FMNL3: variants seen among roughly 807,000 people sequenced by gnomAD.
FMNL3 encodes formin like 3, also known as formin-like protein 3.
FMNL3 carries 57 observed loss-of-function variants against 119.6 expected under a neutral mutation model. The ratio of observed to expected loss-of-function variants is 0.48; its 90% confidence interval spans 0.39 to 0.59. The LOEUF (loss-of-function observed/expected upper bound fraction) is 0.59, where lower values mean the gene tolerates loss of function less well. FMNL3 is among the 20% of genes least tolerant of loss of function. The pLI is 0.00. For missense variants in FMNL3, 1,053 were observed against 1,323.5 expected, an observed-to-expected ratio of 0.80 and a Z score of 3.17; for synonymous variants, 491 against 507.3, an observed-to-expected ratio of 0.97 and a Z score of 0.43.
chr12:49,645,817 A>G lies in FMNL3; in HGVS notation c.3082T>C (p.Ter1028ArgextTer55). 1 of 1,599,860 alleles carries G rather than the reference A, an allele frequency of 6.3e-7. No homozygotes were observed. Among genetic ancestry groups the G allele is most frequent in the Non-Finnish European group, 8.5e-7 (1 of 1,175,506 alleles). ...SGPPRAPGPH[*>R] ...GTGCTTCTGCCTCCGAGAGGGTCTC[A>G]GTGGGGGCCTGGAGCCCGAGGGGGA... Residue 1028 changes from the stop codon to arginine, a stop_lost, in exon 26 of 26, where the codon TGA becomes CGA. Coordinates refer to ENST00000335154, the MANE Select transcript of FMNL3 (RefSeq NM_175736.5).
Position 49,644,059 on chromosome 12 carries a change from T to C in FMNL3, c.*1756A>G. ...CACGCTGGTCAAGCTTCCACGGCCC[T>C]TAGTGCAGGCTAAGGGTGAACTGTG... is the stretch of plus-strand genomic sequence containing the variant. On this transcript the variant is annotated 3_prime_UTR_variant, in exon 26 of 26. Coordinates refer to ENST00000335154, the MANE Select transcript of FMNL3 (RefSeq NM_175736.5). 1 of 1,614,144 alleles carries C rather than the reference T, an allele frequency of 6.2e-7. No individual in the cohort carries two copies. The highest frequency in any genetic ancestry group is 8.5e-7 in the Non-Finnish European group (1 of 1,180,010).
intron 1 of FMNL3, among the ~76,000 whole-genome samples, chr12:49,694,505 A>G (rs1169899569): frequency 2.0e-5 from 3 of 152,232 alleles, no homozygotes; most frequent in African/African-American, 7.2e-5. Flanking sequence ...CACATTTTAA[A>G]TGGATAAACC....
At chr12:49,701,077 T>G (rs1184262076) in intron 1 of FMNL3, among the ~76,000 whole-genome samples, 1 of 87,842 alleles carries the variant, frequency 1.1e-5, no homozygotes, top group Non-Finnish European at 2.0e-5. Context: ...AGACTCCATC[T>G]CAAAAAAAAA....
intron 1 of FMNL3, among the ~76,000 whole-genome samples, chr12:49,694,732 A>T (rs1944705362): frequency 6.6e-6 from 1 of 152,076 alleles, no homozygotes. Flanking sequence ...CAAGATGGTG[A>T]AACCCCGCCT....
intron 1 of FMNL3, among the ~76,000 whole-genome samples, chr12:49,697,306 T>A (rs1944777575): frequency 6.6e-6 from 1 of 152,128 alleles, no homozygotes. Context: ...TTCCTAAAGG[T>A]GTGCTAGGAA....
At chr12:49,678,598 G>A (rs1944257288) in intron 1 of FMNL3, among the ~76,000 whole-genome samples, 1 of 152,090 alleles carries the variant, frequency 6.6e-6, no homozygotes, top group South Asian at 2.1e-4. Flanking sequence ...AAGTAGCTAG[G>A]ACTACAGGTA....
At position 49,640,444 on chromosome 12, in the gene FMNL3, TGAA is replaced by T. The variant is rs1020800131; in HGVS notation, c.*5368_*5370del. 1.1e-4 allele frequency: 16 copies of T among 151,902 alleles called. No individual in the cohort carries two copies. The highest frequency in any genetic ancestry group is 3.9e-4 in the African/African-American group (16 of 41,246). The allele number at this position is 151,902 out of a possible 1,614,324, so 9.4% of individuals were successfully genotyped here. On this transcript the variant is annotated 3_prime_UTR_variant, in exon 26 of 26. Coordinates refer to ENST00000335154, the MANE Select transcript of FMNL3 (RefSeq NM_175736.5). ...GGGTGTGACCTGGAGAGGGGAGTGT[TGAA>T]GAAGTAAGTGGTAGAGGCACTGAGG...
rs761691840 is a variant in FMNL3, at chr12:49,648,200, G to A, written c.2669C>T (p.Thr890Met). 1.7e-5 allele frequency: 28 copies of A among 1,612,820 alleles called. No individual in the cohort carries two copies. The highest frequency in any genetic ancestry group is 2.0e-5 in the Non-Finnish European group (24 of 1,179,474). The change falls in exon 22 of 26, where the codon ACG becomes ATG. Residue 890 changes from threonine to methionine, a missense_variant. This residue lies in a region of FMNL3 where 324 missense variants were observed against 380.9 expected (regional missense o/e 0.85). Coordinates refer to ENST00000335154, the MANE Select transcript of FMNL3 (RefSeq NM_175736.5). ...CCTGCACCCCGTGCTTGCCTCAGCCGTCTTGGCGTCCCGCTGGAGCTTGTC... is the reference window on the plus strand; with the variant it reads ...CCTGCACCCCGTGCTTGCCTCAGCCATCTTGGCGTCCCGCTGGAGCTTGTC... Reference protein sequence around the residue: ...KLDKLQRDAKTAEEAYNAVVR... With the variant: ...KLDKLQRDAKMAEEAYNAVVR...
chr12:49,692,034 CAAAAAA>C (rs773991970), intron 1 of FMNL3, among the ~76,000 whole-genome samples: 1 of 23,120 alleles, frequency 4.3e-5, no homozygotes, highest in African/African-American at 1.1e-4. Flanking sequence ...GACTCCATCT[CAAAAAA>C]AAAAAAAAAA....
intron 1 of FMNL3, among the ~76,000 whole-genome samples, chr12:49,698,693 A>AAGAGTATCTCCAGGACAC (rs1944821070): frequency 6.6e-6 from 1 of 152,142 alleles, no homozygotes; most frequent in East Asian, 1.9e-4. Flanking sequence ...CAAAGACAAC[A>AAGAGTATCTCCAGGACAC]AGAGTATCTC....
At chr12:49,668,864 TGAA>T (rs1943962437) in intron 1 of FMNL3, among the ~76,000 whole-genome samples, 1 of 152,256 alleles carries the variant, frequency 6.6e-6, no homozygotes, top group African/African-American at 2.4e-5. Context: ...TAATGTTTTG[TGAA>T]GCTTTAGTTT....
intron 1 of FMNL3, among the ~76,000 whole-genome samples, chr12:49,691,669 T>TCC (rs1555223441): frequency 6.6e-6 from 1 of 152,180 alleles, no homozygotes; most frequent in East Asian, 1.9e-4. Flanking sequence ...CTGGTGCCCT[T>TCC]TCTCTCTCTC....
At chr12:49,693,377 ACT>A (rs1042263210) in intron 1 of FMNL3, among the ~76,000 whole-genome samples, 10 of 151,244 alleles carry the variant, frequency 6.6e-5, no homozygotes, top group Non-Finnish European at 1.3e-4. Flanking sequence ...TTGTTTTTTC[ACT>A]TTTTGTTGTT....
At chr12:49,703,385 G>C (rs979784926) in intron 1 of FMNL3, among the ~76,000 whole-genome samples, 1 of 152,108 alleles carries the variant, frequency 6.6e-6, no homozygotes, top group Non-Finnish European at 1.5e-5. Context: ...TATTCATAAA[G>C]AGGAGCTCCA....
intron 4 of FMNL3, among the ~76,000 whole-genome samples, chr12:49,662,722 TC>T (rs1223932982): frequency 6.6e-6 from 1 of 151,976 alleles, no homozygotes; most frequent in Non-Finnish European, 1.5e-5. Flanking sequence ...AGTACGTGGG[TC>T]CCCCTCAGCC....
chr12:49,690,112 G>A (rs575287421), intron 1 of FMNL3, among the ~76,000 whole-genome samples: 11 of 152,348 alleles, frequency 7.2e-5, no homozygotes, highest in Admixed American at 6.5e-4. Flanking sequence ...CCACATTACA[G>A]ATAAAATACA....
At position 49,637,182 on chromosome 12, in the gene FMNL3, TG is replaced by T; in HGVS notation, c.*8632del. 1.8e-6 allele frequency: 1 copy of T among 567,016 alleles called. No individual in the cohort carries two copies. Among genetic ancestry groups the T allele is most frequent in the Non-Finnish European group, 3.1e-6 (1 of 318,198 alleles). The allele number at this position is 567,016 out of a possible 1,614,324, so 35.1% of individuals were successfully genotyped here. ...TATTCCCTCAGCTTGGGGGTGGCAG[TG>T]GTGGTGGTAGTGCTAGGGGTTACTG... On this transcript the variant is annotated 3_prime_UTR_variant, in exon 26 of 26. Transcript: ENST00000335154.
At chr12:49,698,254 CCA>C (rs1358986796) in intron 1 of FMNL3, among the ~76,000 whole-genome samples, 1 of 152,014 alleles carries the variant, frequency 6.6e-6, no homozygotes, top group Non-Finnish European at 1.5e-5. Context: ...AGCCCCAACT[CCA>C]GTTTTGGCCA....
In FMNL3 at chr12:49,637,388, C is replaced by G; in HGVS notation, c.*8427G>C. 2.2e-6 allele frequency: 2 copies of G among 924,266 alleles called. No individual in the cohort carries two copies. Among genetic ancestry groups the G allele is most frequent in the Non-Finnish European group, 3.4e-6 (2 of 582,214 alleles). 57.3% of individuals were successfully genotyped at this position (924,266 alleles called of 1,614,324 possible). A position where few individuals can be genotyped will look rare whatever the true frequency, so the allele number is the denominator to read the frequency against. On this transcript the variant is annotated 3_prime_UTR_variant, in exon 26 of 26. Coordinates refer to ENST00000335154, the MANE Select transcript of FMNL3 (RefSeq NM_175736.5). The stretch of plus-strand genomic sequence containing the variant: ...ATCTTGATTGTCCCTGCCTCTTCCT[C>G]TGCCATTCCCTCTCTTCCCCCTCAG...
Sources: gnomAD v4.1 joint callset for allele counts (sites outside exome capture counted in the v4.1 genomes callset) on GRCh38, gnomAD v4.1.1 for gene constraint, gnomAD v4.1.1 regional missense constraint, MANE v1.5 for transcripts, NCBI Gene and HGNC (gene_info 2026-07-23, HGNC 2026-07-21) for gene names.